DGKZ: variants seen among roughly 807,000 people sequenced by gnomAD.
DGKZ encodes DAG kinase zeta.
A neutral mutation model predicts 142.5 loss-of-function variants in DGKZ; 45 were observed. The ratio of observed to expected loss-of-function variants is 0.32; its 90% CI spans 0.25 to 0.40. DGKZ has a LOEUF of 0.40. Ranked by LOEUF, DGKZ falls within the 10% of genes least tolerant of loss-of-function variation. The pLI, the probability that DGKZ is intolerant of heterozygous loss-of-function variation, is 1.00. For synonymous variants in DGKZ, 442 were observed against 527.0 expected (o/e 0.84, Z 2.21); for missense variants, 755 against 1,306.5 (o/e 0.58, Z 6.51).
chr11:46,362,788 G>A (rs575978683), intron 1 of DGKZ, among the ~76,000 whole-genome samples: 2 of 152,306 alleles, frequency 1.3e-5, no homozygotes, highest in East Asian at 1.9e-4. Flanking sequence ...GAAGCTCTCC[G>A]GCCTGCCTGC....
rs1218281037 is a variant in DGKZ at position 46,372,936 on chromosome 11, G to A, written c.1186-25G>A. 6.4e-7 allele frequency: 1 copy of A among 1,553,572 alleles called. No individual in the cohort carries two copies. The highest frequency in any genetic ancestry group is 8.7e-7 in the Non-Finnish European group (1 of 1,148,198). On this transcript the variant is annotated intron_variant, in intron 13 of 30. Coordinates refer to ENST00000527911, the Ensembl canonical transcript of DGKZ. This position sits in a 1 kb window ranked among gnomAD's most constrained non-coding sequence, Gnocchi z 5.9. The stretch of plus-strand genomic sequence containing the variant: ...GCTGGGGCCTCTCCAGCCACAGAGG[G>A]CTCAGTCCCTGCCTGCTCCCCCAGG...
intron 1 of DGKZ, chr11:46,364,894 C>T (rs1943080597): frequency 1.0e-6 from 1 of 985,358 alleles, no homozygotes; most frequent in Admixed American, 6.1e-5. Flanking sequence ...ACCTCTGTGG[C>T]TGCCAGCGGT....
Position 46,378,983 on chromosome 11 carries a change from G to A in DGKZ, c.2419-8G>A, listed in dbSNP as rs367894766. ...GAGGTCCAGCCCTGCCATGCCTCCT[G>A]CCCTCAGCTCCAGGAGCTGCACCGA... On this transcript the variant is annotated splice_region_variant and splice_polypyrimidine_tract_variant and intron_variant, in intron 27 of 30. Coordinates refer to ENST00000527911, the Ensembl canonical transcript of DGKZ. The A allele has an allele frequency of 1.6e-4, 247 of 1,534,948 alleles. No homozygotes were observed. The highest frequency in any genetic ancestry group is 2.0e-4 in the Non-Finnish European group (230 of 1,149,984).
At chr11:46,373,292 T>TTG in intron 14 of DGKZ, among the ~76,000 whole-genome samples, 191 bp downstream of exon 14, 1 of 139,694 alleles carries the variant, frequency 7.2e-6, no homozygotes, top group East Asian at 2.0e-4. Flanking sequence ...TTTGTTTTTT[T>TTG]TTTTTTTTTT....
At chr11:46,355,277 T>G (rs1272444729) in intron 1 of DGKZ, among the ~76,000 whole-genome samples, 2 of 151,388 alleles carry the variant, frequency 1.3e-5, no homozygotes, top group South Asian at 2.1e-4. Context: ...CCCGGCTAAT[T>G]TTTTGTATTT....
At chr11:46,370,681 G>A (rs998622171) in intron 6 of DGKZ, among the ~76,000 whole-genome samples, 32 of 152,238 alleles carry the variant, frequency 2.1e-4, no homozygotes, top group African/African-American at 7.7e-4. Context: ...CAGTGTGGCA[G>A]AACGGGTATG....
chr11:46,359,270 G>A (rs998001284), intron 1 of DGKZ, among the ~76,000 whole-genome samples: 6 of 151,602 alleles, frequency 4.0e-5, no homozygotes, highest in Admixed American at 2.0e-4. Flanking sequence ...GTGAAACCCC[G>A]TCTCTACTAA....
Position 46,367,258 on chromosome 11 carries a change from C to A in DGKZ, c.162-33C>A. 1 of 1,580,518 alleles carries A rather than the reference C, an allele frequency of 6.3e-7. No individual in the cohort carries two copies. Among genetic ancestry groups the A allele is most frequent in the Non-Finnish European group, 8.7e-7 (1 of 1,153,896 alleles). ...GGAGGAAGTAGGGTCAGCAAGTGCT[C>A]AGCCCCCTCCTCAGCTGTCTTCTCC... On this transcript the variant is annotated intron_variant, in intron 1 of 30. Transcript: ENST00000527911. This position sits in a 1 kb window ranked among gnomAD's most constrained non-coding sequence, Gnocchi z 4.1.
intron 1 of DGKZ, among the ~76,000 whole-genome samples, chr11:46,354,432 G>A (rs542407362): frequency 6.6e-6 from 1 of 152,312 alleles, no homozygotes; most frequent in Non-Finnish European, 1.5e-5. Flanking sequence ...CTGGCCTTAA[G>A]TGATCCTCCC....
At chr11:46,366,306 G>C in intron 1 of DGKZ, 4 of 1,582,476 alleles carry the variant, frequency 2.5e-6, no homozygotes, top group Non-Finnish European at 3.4e-6. Context: ...CCAGGCCCTG[G>C]AGAGGGGCAG....
intron 1 of DGKZ, among the ~76,000 whole-genome samples, chr11:46,361,235 G>C (rs1264238262): frequency 1.3e-5 from 2 of 152,232 alleles, no homozygotes; most frequent in African/African-American, 4.8e-5. Context: ...GAAGGCATTA[G>C]GTGGCTAAAT....
chr11:46,354,613 A>T (rs750573892), intron 1 of DGKZ, among the ~76,000 whole-genome samples: 1 of 152,218 alleles, frequency 6.6e-6, no homozygotes, highest in Non-Finnish European at 1.5e-5. Context: ...GGAGCTTAGC[A>T]TTAGGCCATA....
chr11:46,366,549 C>T (rs759217610), intron 1 of DGKZ: 5 of 1,600,890 alleles, frequency 3.1e-6, no homozygotes, highest in Admixed American at 1.7e-5. Context: ...CAGCCTACCA[C>T]CGTGGGGGCC....
At chr11:46,370,672 A>C (rs1042488431) in intron 6 of DGKZ, among the ~76,000 whole-genome samples, 1 of 152,246 alleles carries the variant, frequency 6.6e-6, no homozygotes, top group Non-Finnish European at 1.5e-5. Context: ...GTTAGCCTGC[A>C]GTGTGGCAGA....
intron 1 of DGKZ, chr11:46,361,707 G>T: frequency 4.1e-6 from 4 of 984,206 alleles, no homozygotes; most frequent in Non-Finnish European, 4.8e-6. Flanking sequence ...TCCAGATCAG[G>T]TCAAAAGGGG....
intron 1 of DGKZ, among the ~76,000 whole-genome samples, chr11:46,359,983 G>A (rs1942459127): frequency 6.6e-6 from 1 of 152,114 alleles, no homozygotes; most frequent in Non-Finnish European, 1.5e-5. Context: ...ATATTTTGGT[G>A]TAGTAGCAAA....
At chr11:46,374,421 C>T in exon 16 of DGKZ, 1 of 1,614,114 alleles carries the variant, frequency 6.2e-7, no homozygotes, top group Non-Finnish European at 8.5e-7. Context: ...AGAAATTCAA[C>T]AGCCGCTTTC....
intron 1 of DGKZ, among the ~76,000 whole-genome samples, chr11:46,363,201 A>G (rs1309149199): frequency 2.6e-5 from 4 of 152,156 alleles, no homozygotes; most frequent in Admixed American, 2.6e-4. Context: ...GCCCCAGCAG[A>G]GATAGGAAGT....
intron 1 of DGKZ, among the ~76,000 whole-genome samples, chr11:46,348,886 A>G (rs1234422057): frequency 6.6e-6 from 1 of 152,024 alleles, no homozygotes; most frequent in East Asian, 1.9e-4. Context: ...CCTCAGACTG[A>G]ACTCTGACCA....
Sources: allele counts gnomAD v4.1 joint callset (sites outside exome capture counted in the v4.1 genomes callset), GRCh38; gene constraint gnomAD v4.1.1; non-coding constraint Gnocchi (gnomAD v3.1); transcripts MANE v1.5; gene names NCBI Gene and HGNC (gene_info 2026-07-23, HGNC 2026-07-21).